The following GATC variants were observed in gnomAD, a reference collection of about 807,000 sequenced individuals.
GATC encodes the protein glutamyl-tRNA amidotransferase subunit C.
Under a neutral mutation model 14.4 loss-of-function variants are expected in GATC, and 11 were observed. The observed-to-expected ratio is 0.77, with a 90% CI of 0.48 to 1.27. GATC has a LOEUF of 1.27. Ranked by LOEUF, GATC falls within the 50% of genes most tolerant of loss-of-function variation. GATC has a pLI of 0.00. For missense variants in GATC, 204 were observed against 183.0 expected, an observed-to-expected ratio of 1.11 and a Z score of -0.66; for synonymous variants, 76 against 79.3, an observed-to-expected ratio of 0.96 and a Z score of 0.22.
chr12:120,452,381 ACT>A (rs950627196), intron 2 of GATC, among the ~76,000 whole-genome samples: 1 of 152,116 alleles, frequency 6.6e-6, no homozygotes, highest in Non-Finnish European at 1.5e-5. Flanking sequence ...TAGGAACTTT[ACT>A]CTCTTTCATC....
intron 2 of GATC, among the ~76,000 whole-genome samples, chr12:120,456,075 T>C (rs971981919): frequency 1.3e-5 from 2 of 152,244 alleles, no homozygotes; most frequent in African/African-American, 4.8e-5. Flanking sequence ...CATTAGGGTC[T>C]GCCCTCAGTC....
intron 2 of GATC, among the ~76,000 whole-genome samples, chr12:120,452,158 T>C (rs1277735004): frequency 6.6e-6 from 1 of 152,114 alleles, no homozygotes; most frequent in Non-Finnish European, 1.5e-5. Flanking sequence ...ATTGCAGGCA[T>C]GAGCCACCGT....
intron 3 of GATC, among the ~76,000 whole-genome samples, chr12:120,459,341 C>T (rs1878266500): frequency 6.6e-6 from 1 of 152,192 alleles, no homozygotes; most frequent in Non-Finnish European, 1.5e-5. Context: ...CACCTGAGTT[C>T]ATGGTCAGTG....
intron 2 of GATC, among the ~76,000 whole-genome samples, chr12:120,454,061 T>C (rs936500956): frequency 2.0e-4 from 31 of 152,192 alleles, no homozygotes; most frequent in African/African-American, 7.0e-4. Flanking sequence ...TTAGTTGCTA[T>C]TAGATCTACT....
chr12:120,451,492 A>T (rs926959141), intron 2 of GATC, among the ~76,000 whole-genome samples: 2 of 151,668 alleles, frequency 1.3e-5, no homozygotes, highest in Non-Finnish European at 2.9e-5. Context: ...CTGTAATCCC[A>T]GCACTTTGGG....
chr12:120,454,545 G>A (rs977749810), intron 2 of GATC, among the ~76,000 whole-genome samples: 19 of 150,604 alleles, frequency 1.3e-4, no homozygotes, highest in Admixed American at 1.2e-3. Context: ...TCAGCCTCTC[G>A]CTACAGGCCC....
chr12:120,449,710 G>A (rs4767896), intron 2 of GATC, among the ~76,000 whole-genome samples: 3,429 of 151,970 alleles, frequency 0.023, 58 homozygotes, highest in Middle Eastern at 0.061. Context: ...GCCTCCCAAA[G>A]TGCTGGGAAT....
chr12:120,455,176 C>T, intron 2 of GATC: 1 of 212,214 alleles, frequency 4.7e-6, no homozygotes, highest in South Asian at 5.4e-5. Context: ...AGCCACTGTG[C>T]CTGGCCTTTT....
Position 120,460,213 on chromosome 12 carries a change from T to A in GATC, c.*254T>A, listed in dbSNP as rs771369594. ...TTCCAAGGAATTCACTTAACAGGCC[T>A]GTTCAGTATGGAAGACATTATTTAT... On this transcript the variant is annotated 3_prime_UTR_variant, in exon 4 of 4. Coordinates refer to ENST00000551765, the MANE Select transcript of GATC (RefSeq NM_176818.3). 30 of 396,798 alleles carry A rather than the reference T, an allele frequency of 7.6e-5. No individual in the cohort carries two copies. The highest frequency in any genetic ancestry group is 1.4e-4 in the Non-Finnish European group (29 of 212,162). 24.6% of individuals were successfully genotyped at this position (396,798 alleles called of 1,614,324 possible).
At position 120,446,491 on chromosome 12, in the gene GATC, G is replaced by T. The variant is rs201519820; in HGVS notation, c.11G>T (p.Arg4Leu). The change falls in exon 1 of 4, where the codon CGG (arginine) becomes CTG (leucine). Residue 4 changes from arginine to leucine, a missense_variant. Transcript: ENST00000551765. MWS[R>L]LVWLGLRAPL... Reference sequence around the variant, plus strand: ...CCAAGGAAGGAAGAAATGTGGTCGCGGTTGGTGTGGCTGGGCCTTCGGGCC... The same window carrying T: ...CCAAGGAAGGAAGAAATGTGGTCGCTGTTGGTGTGGCTGGGCCTTCGGGCC... 1 of 1,607,514 alleles carries T rather than the reference G, an allele frequency of 6.2e-7. No individual in the cohort carries two copies. Among genetic ancestry groups the T allele is most frequent in the Non-Finnish European group, 8.5e-7 (1 of 1,176,148 alleles).
chr12:120,451,013 G>A (rs775257470), intron 2 of GATC, among the ~76,000 whole-genome samples: 1 of 151,694 alleles, frequency 6.6e-6, no homozygotes, highest in Non-Finnish European at 1.5e-5. Context: ...GCATGGTGGT[G>A]CATGCCTGTA....
intron 2 of GATC, among the ~76,000 whole-genome samples, chr12:120,448,857 G>T (rs946385933): frequency 2.0e-5 from 3 of 151,062 alleles, no homozygotes; most frequent in African/African-American, 7.3e-5. Flanking sequence ...TGTTGGCCAG[G>T]CTGGTCTCGA....
chr12:120,449,367 C>T (rs1237521954), intron 2 of GATC, among the ~76,000 whole-genome samples: 1 of 152,146 alleles, frequency 6.6e-6, no homozygotes, highest in Non-Finnish European at 1.5e-5. Context: ...CTCTCCTGCT[C>T]ACCCACCTTC....
At chr12:120,450,569 G>T in intron 2 of GATC, 1 of 158,138 alleles carries the variant, frequency 6.3e-6, no homozygotes, top group South Asian at 1.8e-4. Flanking sequence ...GACACAGTAT[G>T]GACATTCCTT....
intron 3 of GATC, among the ~76,000 whole-genome samples, chr12:120,458,711 G>A (rs1878248750): frequency 6.6e-6 from 1 of 152,184 alleles, no homozygotes; most frequent in East Asian, 1.9e-4. Context: ...AGCCTGCTAA[G>A]TGCCAACTTC....
In GATC at chr12:120,462,307, T is replaced by TG; in HGVS notation, c.*2348_*2349insG. ...TGGCATGAGGCTATCTCATTAAACC[T>TG]TCATAACATTATGAGGTAGGTACTC... On this transcript the variant is annotated 3_prime_UTR_variant, in exon 4 of 4. Coordinates refer to ENST00000551765, the MANE Select transcript of GATC (RefSeq NM_176818.3). The TG allele has an allele frequency of 1.3e-6, 1 of 769,532 alleles. No individual in the cohort carries two copies. Among genetic ancestry groups the TG allele is most frequent in the Admixed American group, 3.3e-5 (1 of 30,198 alleles). 47.7% of individuals were successfully genotyped at this position (769,532 alleles called of 1,614,324 possible).
chr12:120,451,242 G>T (rs1878035594), intron 2 of GATC, among the ~76,000 whole-genome samples: 2 of 150,300 alleles, frequency 1.3e-5, no homozygotes, highest in South Asian at 4.2e-4. Context: ...GTCAGGAGTT[G>T]AAGACCAGCC....
Position 120,457,188 on chromosome 12 carries a change from T to C in GATC, c.358+9T>C. 6.3e-7 allele frequency: 1 copy of C among 1,588,988 alleles called. No individual in the cohort carries two copies. The highest frequency in any genetic ancestry group is 2.2e-5 in the East Asian group (1 of 44,700). On this transcript the variant is annotated intron_variant, in intron 3 of 3. Transcript: ENST00000551765. ...CTTTGTGGCCCCCCCAGGTACGTGCTGCCCAGAATGGTTTAACAGATAGTC... is the reference window on the plus strand; with the variant it reads ...CTTTGTGGCCCCCCCAGGTACGTGCCGCCCAGAATGGTTTAACAGATAGTC...
intron 2 of GATC, among the ~76,000 whole-genome samples, chr12:120,455,694 CT>C (rs977712544): frequency 6.6e-6 from 1 of 150,900 alleles, no homozygotes; most frequent in Non-Finnish European, 1.5e-5. Context: ...ACTTAGTTCT[CT>C]TTTTTTTTGA....
Sources: gnomAD v4.1 joint callset for allele counts (sites outside exome capture counted in the v4.1 genomes callset) on GRCh38, gnomAD v4.1.1 for gene constraint, MANE v1.5 for transcripts, NCBI Gene and HGNC (gene_info 2026-07-23, HGNC 2026-07-21) for gene names.